Variants in ZPLD1 observed in about 807,000 individuals in gnomAD.
ZPLD1 encodes zona pellucida-like domain-containing protein 1.
In ZPLD1, 34 loss-of-function variants were observed where a neutral mutation model predicts 47.2. The ratio of observed to expected loss-of-function variants is 0.72; its 90% confidence interval spans 0.55 to 0.96. ZPLD1 has a LOEUF of 0.96. ZPLD1 is among the 40% of genes least tolerant of loss of function. The probability of loss-of-function intolerance (pLI) is 0.00; values close to 1 mark genes in which losing one functional copy is unlikely to be tolerated. For synonymous variants in ZPLD1, 176 were observed against 186.2 expected, an observed-to-expected ratio of 0.95 and a Z score of 0.45; for missense variants, 512 against 505.8, an observed-to-expected ratio of 1.01 and a Z score of -0.12.
chr3:102,467,701 C>A (rs1183787860), intron 8 of ZPLD1, among the ~76,000 whole-genome samples: 1 of 151,900 alleles, frequency 6.6e-6, no homozygotes, highest in Non-Finnish European at 1.5e-5. Flanking sequence ...AAGGTAAAAA[C>A]TACAACTTTA....
chr3:102,408,420 A>G (rs1706716174), intron 7 of ZPLD1, among the ~76,000 whole-genome samples: 1 of 151,894 alleles, frequency 6.6e-6, no homozygotes, highest in Non-Finnish European at 1.5e-5. Flanking sequence ...TGGAAAGCTA[A>G]GTATTTTCAA....
intron 7 of ZPLD1, among the ~76,000 whole-genome samples, chr3:102,396,300 T>C (rs1706556806): frequency 6.6e-6 from 1 of 152,204 alleles, no homozygotes; most frequent in Non-Finnish European, 1.5e-5. Flanking sequence ...AGCTGCTTCA[T>C]AGGCCTCATA....
chr3:102,391,689 T>G (rs1706497300), intron 6 of ZPLD1, among the ~76,000 whole-genome samples: 1 of 152,142 alleles, frequency 6.6e-6, no homozygotes, highest in African/African-American at 2.4e-5. Context: ...TCCAACTGAC[T>G]ATTTTATGAT....
Position 102,472,424 on chromosome 3 carries a change from T to TG in ZPLD1, c.1042+1925dup, listed in dbSNP as rs562416688. ...GCATATGCCTGTAATCACAGCTACT[T>TG]GGGAGGCTGAGGCAGGAGAATTGCT... On this transcript the variant is annotated intron_variant, in intron 10 of 11. Transcript: ENST00000466937. 2.2e-3 allele frequency among the ~76,000 whole-genome samples: 331 copies of TG among 151,148 alleles called. 2 individuals carry two copies. The highest frequency in any genetic ancestry group is 7.7e-3 in the African/African-American group (317 of 41,118).
chr3:102,461,025 A>G (rs1393036716), intron 6 of ZPLD1, among the ~76,000 whole-genome samples: 1 of 151,932 alleles, frequency 6.6e-6, no homozygotes, highest in Non-Finnish European at 1.5e-5. Context: ...GTTTTTAAGT[A>G]TATCTCTTAT....
intron 7 of ZPLD1, among the ~76,000 whole-genome samples, chr3:102,399,916 T>G (rs1706600500): frequency 1.3e-5 from 2 of 151,988 alleles, no homozygotes; most frequent in African/African-American, 4.8e-5. Flanking sequence ...CATCCCAGGT[T>G]CAAGCAATTC....
intron 3 of ZPLD1, among the ~76,000 whole-genome samples, chr3:102,443,080 A>G (rs1358140698): frequency 1.3e-5 from 2 of 152,178 alleles, no homozygotes; most frequent in African/African-American, 2.4e-5. Flanking sequence ...CTTTGGAAGT[A>G]TATGAGGATT....
intron 8 of ZPLD1, among the ~76,000 whole-genome samples, chr3:102,425,568 A>G (rs1270765378): frequency 6.6e-6 from 1 of 152,056 alleles, no homozygotes; most frequent in Non-Finnish European, 1.5e-5. Context: ...TACTTTGCCT[A>G]CTGTGGCTCA....
intron 6 of ZPLD1, among the ~76,000 whole-genome samples, chr3:102,391,217 T>C (rs150786587): frequency 3.0e-3 from 462 of 152,296 alleles, no homozygotes; most frequent in African/African-American, 0.01. Context: ...TATGAAGTAT[T>C]TAAAAAGATT....
chr3:102,427,440 C>T (rs939805455), intron 8 of ZPLD1, among the ~76,000 whole-genome samples: 3 of 152,100 alleles, frequency 2.0e-5, no homozygotes, highest in Non-Finnish European at 4.4e-5. Context: ...TCACTTGCCA[C>T]CTCTTCAATT....
Position 102,469,039 on chromosome 3 carries a change from C to T in ZPLD1, c.837C>T (p.Phe279=), listed in dbSNP as rs746914724. ...GGGGCCGGTTTTCTTTTGAAGTGTT[C>T]CGATTTGTGAAACACAAGAATCAGA... ...SQRGRFSFEV[F]RFVKHKNQKM... The change falls in exon 9 of 12, where the codon TTC becomes TTT. Residue 279 remains phenylalanine (F), a synonymous_variant. Transcript: ENST00000466937. The T allele has an allele frequency of 6.2e-7, 1 of 1,614,006 alleles. No individual in the cohort carries two copies. Among genetic ancestry groups the T allele is most frequent in the African/African-American group, 1.3e-5 (1 of 74,932 alleles).
At chr3:102,427,130 G>A (rs752506319) in intron 8 of ZPLD1, among the ~76,000 whole-genome samples, 3 of 152,066 alleles carry the variant, frequency 2.0e-5, no homozygotes, top group Non-Finnish European at 2.9e-5. Flanking sequence ...ACAGAATAAA[G>A]TACTATTATA....
chr3:102,434,632 CTT>C (rs1707058705), upstream of ZPLD1, among the ~76,000 whole-genome samples: 1 of 152,246 alleles, frequency 6.6e-6, no homozygotes, highest in Admixed American at 6.5e-5. Flanking sequence ...ATACAAAACT[CTT>C]TTGCACACAT....
At chr3:102,467,539 T>G (rs1707615128) in intron 8 of ZPLD1, among the ~76,000 whole-genome samples, 1 of 152,120 alleles carries the variant, frequency 6.6e-6, no homozygotes, top group African/African-American at 2.4e-5. Context: ...TATGGGAATT[T>G]AGTGTAAGAT....
chr3:102,411,770 G>A (rs1020711380), intron 7 of ZPLD1, among the ~76,000 whole-genome samples: 1 of 151,806 alleles, frequency 6.6e-6, no homozygotes, highest in Admixed American at 6.6e-5. Context: ...TATAGGATAG[G>A]AGAGATGGAG....
chr3:102,443,834 C>T (rs1034046386), intron 3 of ZPLD1, among the ~76,000 whole-genome samples: 1 of 152,154 alleles, frequency 6.6e-6, no homozygotes, highest in Non-Finnish European at 1.5e-5. Flanking sequence ...GGAATATGTT[C>T]TGGTTCTCTG....
In ZPLD1 at chr3:102,457,044, T is replaced by A. The variant is rs550946827; in HGVS notation, c.509+670T>A. Among the ~76,000 whole-genome samples, 321 of 152,374 alleles carry A rather than the reference T, an allele frequency of 2.1e-3. 1 individual carries two copies. The highest frequency in any genetic ancestry group is 3.5e-3 in the Non-Finnish European group (241 of 68,042). On this transcript the variant is annotated intron_variant, in intron 5 of 11. Transcript: ENST00000466937. The stretch of plus-strand genomic sequence containing the variant: ...TTAAAATATAATCACCTGGATTTGT[T>A]GAATATTTTTGACAAAATGGGATGA...
chr3:102,411,618 G>A (rs765863885), intron 7 of ZPLD1, among the ~76,000 whole-genome samples: 10 of 151,886 alleles, frequency 6.6e-5, no homozygotes, highest in East Asian at 5.8e-4. Context: ...TAGTGAATAC[G>A]TGGGAGACCA....
At chr3:102,450,519 G>C (rs774879180) in intron 3 of ZPLD1, among the ~76,000 whole-genome samples, 3 of 152,130 alleles carry the variant, frequency 2.0e-5, no homozygotes, top group Non-Finnish European at 2.9e-5. Context: ...AAGAGAGAGA[G>C]AGAGGGAGGA....
Sources: gnomAD v4.1 joint callset for allele counts (sites outside exome capture counted in the v4.1 genomes callset) on GRCh38, gnomAD v4.1.1 for gene constraint, MANE v1.5 for transcripts, NCBI Gene and HGNC (gene_info 2026-07-23, HGNC 2026-07-21) for gene names.